SYNC: variants seen among roughly 807,000 people sequenced by gnomAD.
SYNC encodes syncoilin.
A neutral mutation model predicts 49.5 loss-of-function variants in SYNC; 38 were observed. The observed-to-expected ratio is 0.77, with a 90% CI of 0.59 to 1.01. SYNC has a LOEUF of 1.01. Ranked by LOEUF, SYNC falls within the 50% of genes least tolerant of loss-of-function variation. The pLI is 0.00. For synonymous variants in SYNC, 201 were observed against 230.8 expected, an observed-to-expected ratio of 0.87 and a Z score of 1.17; for missense variants, 579 against 580.6, an observed-to-expected ratio of 1.00 and a Z score of 0.03.
intron 2 of SYNC, chr1:32,686,143 C>A (rs1220935450): frequency 6.6e-6 from 1 of 152,114 alleles, no homozygotes; most frequent in Non-Finnish European, 1.5e-5. Context: ...TAAAATATGT[C>A]AAAAATATTT....
At chr1:32,689,235 C>CTTTTTTTTTTTTTTTTTTTTTTT (rs71006360) in intron 2 of SYNC, among the ~76,000 whole-genome samples, 1 of 41,520 alleles carries the variant, frequency 2.4e-5, no homozygotes, top group Non-Finnish European at 4.9e-5. Context: ...CTCGCCTGGC[C>CTTTTTTTTTTTTTTTTTTTTTTT]TTTTTTTTTT....
intron 2 of SYNC, among the ~76,000 whole-genome samples, chr1:32,688,191 A>G (rs1020208577): frequency 2.6e-5 from 4 of 152,116 alleles, no homozygotes; most frequent in African/African-American, 9.7e-5. Flanking sequence ...TATGGACTCA[A>G]GCTAGATTGT....
At chr1:32,682,240 T>C (rs967259693) in intron 4 of SYNC, 4 of 209,602 alleles carry the variant, frequency 1.9e-5, no homozygotes, top group Non-Finnish European at 3.8e-5. Flanking sequence ...TTATCAGTCA[T>C]GTGGATTCAA....
At chr1:32,684,172 T>C (rs1307681424) in intron 3 of SYNC, 83 bp from the exon 4 acceptor site, 32 of 1,606,198 alleles carry the variant, frequency 2.0e-5, no homozygotes, top group Non-Finnish European at 2.7e-5. Context: ...TTTTTGTTTT[T>C]GATTCTAAGG....
chr1:32,681,906 T>G (rs1013871638), intron 4 of SYNC, 46 bp from the exon 5 acceptor site: 22 of 1,535,102 alleles, frequency 1.4e-5, no homozygotes, highest in Non-Finnish European at 2.0e-5. Flanking sequence ...CTTCTGAGGT[T>G]TAGTTACTGC....
chr1:32,691,952 G>A (rs992249934), intron 2 of SYNC, among the ~76,000 whole-genome samples: 6 of 152,044 alleles, frequency 3.9e-5, no homozygotes, highest in African/African-American at 9.7e-5. Context: ...AATCTATCCC[G>A]GCCGGGCGCA....
At chr1:32,689,943 A>C (rs1005499488) in intron 2 of SYNC, among the ~76,000 whole-genome samples, 6 of 150,266 alleles carry the variant, frequency 4.0e-5, no homozygotes, top group African/African-American at 4.9e-5. Flanking sequence ...CCGTCACAAA[A>C]AAAAAAAAAA....
intron 4 of SYNC, chr1:32,683,040 C>T (rs183113): frequency 0.97 from 148,038 of 152,126 alleles, 72,158 homozygotes; most frequent in East Asian, 1. Context: ...TCCCAGCACT[C>T]TGGGAGGCCG....
At chr1:32,699,155 T>TTTC (rs1553201522) in intron 1 of SYNC, among the ~76,000 whole-genome samples, 35 of 129,926 alleles carry the variant, frequency 2.7e-4, no homozygotes, top group South Asian at 5.0e-4. Flanking sequence ...TTTCTTTTCT[T>TTTC]TTTTTTTTTT....
At chr1:32,687,361 C>CAAAAAAAA (rs11383471) in intron 2 of SYNC, among the ~76,000 whole-genome samples, 1 of 123,594 alleles carries the variant, frequency 8.1e-6, no homozygotes. Context: ...GACTTCATCT[C>CAAAAAAAA]AAAAAAAAAA....
In SYNC at chr1:32,694,964, C is replaced by G; in HGVS notation, c.1134G>C (p.Leu378=). 6.2e-7 allele frequency: 1 copy of G among 1,614,066 alleles called. No individual in the cohort carries two copies. ...GGCGGAGCTGCCGGGCCTCTGCTTG[C>G]AGGGGTCTCAGAGCCTCCTTCATTT... ...IQEMKEALRP[L]QAEARQLRLQ... Residue 378 remains leucine, a synonymous_variant, in exon 2 of 5, where the codon CTG becomes CTC. Transcript: ENST00000409190.
At chr1:32,698,850 A>G (rs1650553769) in intron 1 of SYNC, among the ~76,000 whole-genome samples, 1 of 148,906 alleles carries the variant, frequency 6.7e-6, no homozygotes, top group African/African-American at 2.5e-5. Context: ...GCATGATCAT[A>G]GCTCACTGCA....
chr1:32,699,935 T>C (rs1650603232), intron 1 of SYNC, among the ~76,000 whole-genome samples: 1 of 151,942 alleles, frequency 6.6e-6, no homozygotes, highest in Non-Finnish European at 1.5e-5. Context: ...GGTTTCACCA[T>C]CTTGGTCAGG....
chr1:32,697,234 G>A (rs1366404288), intron 1 of SYNC, among the ~76,000 whole-genome samples: 2 of 151,526 alleles, frequency 1.3e-5, no homozygotes, highest in African/African-American at 4.8e-5. Flanking sequence ...CTGAGGTCGG[G>A]AGTTCAAGAC....
Position 32,684,277 on chromosome 1 carries a change from C to G in SYNC, c.1339G>C (p.Glu447Gln). 6.2e-7 allele frequency: 1 copy of G among 1,614,168 alleles called. No homozygotes were observed. The highest frequency in any genetic ancestry group is 8.5e-7 in the Non-Finnish European group (1 of 1,180,034). The change falls in exon 3 of 5, where the codon GAA (glutamate) becomes CAA (glutamine). Residue 447 changes from glutamate (E) to glutamine (Q), a missense_variant. Physicochemically the swap from Glu to Gln is conservative, Grantham distance 29. Coordinates refer to ENST00000409190, the MANE Select transcript of SYNC (RefSeq NM_030786.3). Reference sequence around the variant, plus strand: ...ACTGACTTATAAGTAGAGAGCTCTTCAGCAAGACTGAGCCTTAGCTGTTCC... The same window carrying G: ...ACTGACTTATAAGTAGAGAGCTCTTGAGCAAGACTGAGCCTTAGCTGTTCC... ...EMEQLRLSLA[E>Q]ELSTYKAMLL...
rs1650710501 is a variant in SYNC at position 32,702,612 on chromosome 1, C to T, written c.49G>A (p.Ala17Thr). ...GCGGGCCCGGCACTGTCCTACCTCG[C>T]GGCCTGGGCGGCGCCGTCCCCGCCG... ...RRGGDGAAQA[A>T]RKTRVEANSP... is the part of the protein sequence containing the mutation. The change falls in exon 1 of 5, where the codon GCG (alanine) becomes ACG (threonine). Residue 17 changes from alanine to threonine, a missense_variant. Ala to Thr is a moderately conservative substitution (Grantham distance 58). Transcript: ENST00000409190. The surrounding 1 kb of genome is among the most constrained non-coding windows in gnomAD (Gnocchi z 6.2). 2.5e-6 allele frequency: 3 copies of T among 1,201,126 alleles called. No individual in the cohort carries two copies. Among genetic ancestry groups the T allele is most frequent in the Non-Finnish European group, 2.1e-6 (2 of 969,322 alleles). The allele number at this position is 1,201,126 out of a possible 1,614,324, so 74.4% of individuals were successfully genotyped here. A position where few individuals can be genotyped will look rare whatever the true frequency, so the allele number is the denominator to read the frequency against.
chr1:32,691,545 T>C lies in SYNC; in HGVS notation c.1233+3320A>G, dbSNP rs1418700659. On this transcript the variant is annotated intron_variant, in intron 2 of 4. Coordinates refer to ENST00000409190, the MANE Select transcript of SYNC (RefSeq NM_030786.3). ...TCCAGCATGGGTGACAGAGGGAGACTCCATCTCAGAAAAAAAAAAAAAAGT... is the reference window on the plus strand; with the variant it reads ...TCCAGCATGGGTGACAGAGGGAGACCCCATCTCAGAAAAAAAAAAAAAAGT... 3.1e-5 allele frequency among the ~76,000 whole-genome samples: 3 copies of C among 96,172 alleles called. No individual in the cohort carries two copies. The Admixed American group carries it at 3.7e-4, about 12-fold the overall frequency. The allele number at this position is 96,172 out of a possible 152,430, so 63.1% of individuals were successfully genotyped here. A position where few individuals can be genotyped will look rare whatever the true frequency, so the allele number is the denominator to read the frequency against.
chr1:32,689,235 C>CTTGTTTTTTT (rs1650041724), intron 2 of SYNC, among the ~76,000 whole-genome samples: 1 of 41,520 alleles, frequency 2.4e-5, no homozygotes, highest in Non-Finnish European at 4.9e-5. Flanking sequence ...CTCGCCTGGC[C>CTTGTTTTTTT]TTTTTTTTTT....
intron 2 of SYNC, among the ~76,000 whole-genome samples, chr1:32,691,570 T>A (rs76375737): frequency 0.085 from 685 of 8,016 alleles, 9 homozygotes; most frequent in Non-Finnish European, 0.18. Flanking sequence ...AAAAAAAAAG[T>A]AGCAAGGCAA....
Sources: gnomAD v4.1 joint callset for allele counts (sites outside exome capture counted in the v4.1 genomes callset) on GRCh38, gnomAD v4.1.1 for gene constraint, Gnocchi (gnomAD v3.1) non-coding constraint, MANE v1.5 for transcripts, NCBI Gene and HGNC (gene_info 2026-07-23, HGNC 2026-07-21) for gene names.